FXR1: variants seen among roughly 807,000 people sequenced by gnomAD.
The protein encoded by FXR1 is RNA-binding protein FXR1.
In FXR1, 15 loss-of-function variants were observed where a neutral mutation model predicts 84.0. That is an observed-to-expected ratio of 0.18 (90% CI 0.12 to 0.27). The LOEUF (loss-of-function observed/expected upper bound fraction) is 0.27, where lower values mean the gene tolerates loss of function less well. Among genes scored for constraint, FXR1 ranks in the 10% least tolerant of loss-of-function variants. The pLI, the probability that FXR1 is intolerant of heterozygous loss-of-function variation, is 1.00. For missense variants in FXR1, 480 were observed against 774.4 expected, an observed-to-expected ratio of 0.62 and a Z score of 4.51; for synonymous variants, 245 against 250.7, an observed-to-expected ratio of 0.98 and a Z score of 0.21.
chr3:180,959,727 A>ATCTTAAATAAGGAGTTTCCCT (rs1711845010), intron 10 of FXR1, among the ~76,000 whole-genome samples: 1 of 151,536 alleles, frequency 6.6e-6, no homozygotes, highest in South Asian at 2.1e-4. Flanking sequence ...TCACTCCCTA[A>ATCTTAAATAAGGAGTTTCCCT]TCTTAAATAA....
At chr3:180,960,432 A>G (rs529786548) in intron 10 of FXR1, among the ~76,000 whole-genome samples, 2 of 152,144 alleles carry the variant, frequency 1.3e-5, no homozygotes, top group African/African-American at 2.4e-5. Context: ...GTATCTATCT[A>G]GTCTGTAAGT....
At chr3:180,913,699 C>A (rs1487408216) in intron 1 of FXR1, among the ~76,000 whole-genome samples, 1 of 152,160 alleles carries the variant, frequency 6.6e-6, no homozygotes, top group Non-Finnish European at 1.5e-5. Flanking sequence ...CTATAGCGTT[C>A]TTTTCTCCTT....
rs1485113509 is a variant in FXR1 at position 180,982,448 on chromosome 3, CTGATTACTATGCAAGAAAAAAA to C, written c.*6159_*6180del. 1 of 152,030 alleles carries C rather than the reference CTGATTACTATGCAAGAAAAAAA, an allele frequency of 6.6e-6. No individual in the cohort carries two copies. Among genetic ancestry groups the C allele is most frequent in the Non-Finnish European group, 1.5e-5 (1 of 67,956 alleles). 9.4% of individuals were successfully genotyped at this position (152,030 alleles called of 1,614,324 possible). A position where few individuals can be genotyped will look rare whatever the true frequency, so the allele number is the denominator to read the frequency against. ...AAAGGTAAGCCTGGAGAAAATAAAA[CTGATTACTATGCAAGAAAAAAA>C]TGTGCTCTGCTGTGCTCCTTGGTAT... On this transcript the variant is annotated 3_prime_UTR_variant, in exon 17 of 17. Coordinates refer to ENST00000357559, the MANE Select transcript of FXR1 (RefSeq NM_005087.4).
chr3:180,943,270 T>G (rs1721331166), intron 3 of FXR1, among the ~76,000 whole-genome samples: 1 of 128,034 alleles, frequency 7.8e-6, no homozygotes, highest in South Asian at 2.7e-4. Context: ...CCCGGCTTTT[T>G]TTTTTTTTTT....
At chr3:180,929,566 A>G (rs1191416295) in intron 1 of FXR1, among the ~76,000 whole-genome samples, 1 of 152,160 alleles carries the variant, frequency 6.6e-6, no homozygotes. Context: ...ATAGGAAGAG[A>G]GACAGTCGAA....
intron 1 of FXR1, among the ~76,000 whole-genome samples, chr3:180,925,127 C>T (rs1013053156): frequency 2.0e-5 from 3 of 152,136 alleles, no homozygotes; most frequent in East Asian, 3.9e-4. Context: ...ACTTTGGGGG[C>T]TGAGGTGGGT....
In FXR1 at chr3:180,976,653, C is replaced by G. The variant is rs888496427; in HGVS notation, c.*361C>G. ...ATGAAAGCATTAGCTGCTTTTGTTACATTTTTAATATGCAACCACTTCTTC... is the reference window on the plus strand; with the variant it reads ...ATGAAAGCATTAGCTGCTTTTGTTAGATTTTTAATATGCAACCACTTCTTC... On this transcript the variant is annotated 3_prime_UTR_variant, in exon 17 of 17. Transcript: ENST00000357559. The G allele has an allele frequency of 1.3e-5, 2 of 156,472 alleles. No individual in the cohort carries two copies. The highest frequency in any genetic ancestry group is 4.8e-5 in the African/African-American group (2 of 41,620). 9.7% of individuals were successfully genotyped at this position (156,472 alleles called of 1,614,324 possible).
At position 180,930,573 on chromosome 3, in the gene FXR1, G is replaced by A. The variant is rs1383247330; in HGVS notation, c.52-2761G>A. On this transcript the variant is annotated intron_variant, in intron 1 of 16. Transcript: ENST00000357559. ...AGAGTTTGTTGAAGAACTAGAACAC[G>A]TTAGTGGAGGTTGAAAATATGGCTG... Among the ~76,000 whole-genome samples the A allele has an allele frequency of 2.6e-5, 4 of 152,118 alleles. No homozygotes were observed. In the East Asian group the frequency reaches 7.7e-4, roughly 29 times the overall value.
At position 180,968,314 on chromosome 3, in the gene FXR1, G is replaced by C. The variant is rs1467728785; in HGVS notation, c.1402+60G>C. The C allele has an allele frequency of 5.8e-6, 7 of 1,197,680 alleles. No homozygotes were observed. The African/African-American group carries it at 6.0e-5, about 10-fold the overall frequency. The allele number at this position is 1,197,680 out of a possible 1,614,324, so 74.2% of individuals were successfully genotyped here. A position where few individuals can be genotyped will look rare whatever the true frequency, so the allele number is the denominator to read the frequency against. The stretch of plus-strand genomic sequence containing the variant: ...TTGTAAACAGTTTAATTTTACAAAA[G>C]TTAATTCATCTCCCAGGGCCACCCA... On this transcript the variant is annotated intron_variant, in intron 14 of 16. Transcript: ENST00000357559.
At position 180,982,351 on chromosome 3, in the gene FXR1, C is replaced by T. The variant is rs1315743073; in HGVS notation, c.*6059C>T. The T allele has an allele frequency of 1.3e-5, 2 of 151,982 alleles. No individual in the cohort carries two copies. Among genetic ancestry groups the T allele is most frequent in the Admixed American group, 1.3e-4 (2 of 15,238 alleles). 9.4% of individuals were successfully genotyped at this position (151,982 alleles called of 1,614,324 possible). On this transcript the variant is annotated 3_prime_UTR_variant, in exon 17 of 17. Coordinates refer to ENST00000357559, the MANE Select transcript of FXR1 (RefSeq NM_005087.4). ...TCAATCACCTACATGATCTAGAGCC[C>T]TCACATGGATAACATTTAAATGTTC...
chr3:180,952,471 C>T (rs1722323006), intron 8 of FXR1, among the ~76,000 whole-genome samples: 1 of 151,944 alleles, frequency 6.6e-6, no homozygotes, highest in African/African-American at 2.4e-5. Flanking sequence ...GCAGGAAGAT[C>T]ACTTGAGTCC....
intron 3 of FXR1, among the ~76,000 whole-genome samples, chr3:180,937,844 T>C (rs1720698305): frequency 6.6e-6 from 1 of 152,320 alleles, no homozygotes; most frequent in Non-Finnish European, 1.5e-5. Context: ...TAAAAAATTA[T>C]ATAAAGTACA....
At chr3:180,958,028 TTTC>T (rs750039510) in intron 10 of FXR1, 100 bp downstream of exon 10, 44 of 478,526 alleles carry the variant, frequency 9.2e-5, no homozygotes, top group Middle Eastern at 3.8e-4. Flanking sequence ...ACAGAGGGTT[TTTC>T]TTCTTTTTAA....
At chr3:180,932,364 A>G (rs1213713447) in intron 1 of FXR1, among the ~76,000 whole-genome samples, 1 of 152,230 alleles carries the variant, frequency 6.6e-6, no homozygotes, top group African/African-American at 2.4e-5. Context: ...GCATTTGACT[A>G]ACATTCAGTA....
chr3:180,950,220 C>T (rs1322133206), intron 7 of FXR1, among the ~76,000 whole-genome samples: 3 of 152,172 alleles, frequency 2.0e-5, no homozygotes, highest in African/African-American at 7.2e-5. Context: ...TGTGATGTCT[C>T]AGAGAAATTA....
intron 1 of FXR1, among the ~76,000 whole-genome samples, chr3:180,927,066 G>C (rs1719317843): frequency 6.6e-6 from 1 of 152,044 alleles, no homozygotes; most frequent in Non-Finnish European, 1.5e-5. Context: ...TGCCTTACCA[G>C]TTGTGAGTTA....
At chr3:180,974,199 C>T (rs1319589039) in intron 15 of FXR1, among the ~76,000 whole-genome samples, 1 of 144,828 alleles carries the variant, frequency 6.9e-6, no homozygotes, top group African/African-American at 2.6e-5. Flanking sequence ...ACTATTATTG[C>T]CCAGGCTGGA....
Position 180,963,996 on chromosome 3 carries a change from A to G in FXR1, c.1198+906A>G, listed in dbSNP as rs1712477675. On this transcript the variant is annotated intron_variant, in intron 13 of 16. Transcript: ENST00000357559. ...ATTTAAGGAAAATAGAAATAAATGC[A>G]AATTTCATGCTTTAATTGAAGGATC... 2.0e-5 allele frequency among the ~76,000 whole-genome samples: 3 copies of G among 152,348 alleles called. No homozygotes were observed. The South Asian group carries it at 6.2e-4, about 32-fold the overall frequency.
At chr3:180,947,469 T>G (rs1721820276) in intron 3 of FXR1, among the ~76,000 whole-genome samples, 1 of 152,226 alleles carries the variant, frequency 6.6e-6, no homozygotes, top group Non-Finnish European at 1.5e-5. Flanking sequence ...GGGATCTAAA[T>G]GTCATATCCT....
Sources: allele counts gnomAD v4.1 joint callset (sites outside exome capture counted in the v4.1 genomes callset), GRCh38; gene constraint gnomAD v4.1.1; transcripts MANE v1.5; gene names NCBI Gene and HGNC (gene_info 2026-07-23, HGNC 2026-07-21).